TASP1: variants seen among roughly 807,000 people sequenced by gnomAD.
TASP1 encodes threonine aspartase 1.
In TASP1, 16 loss-of-function variants were observed where a neutral mutation model predicts 56.6. The ratio of observed to expected loss-of-function variants is 0.28; its 90% CI spans 0.19 to 0.43. The LOEUF (loss-of-function observed/expected upper bound fraction) is 0.43, where lower values mean the gene tolerates loss of function less well. TASP1 is among the 20% of genes least tolerant of loss of function. The probability of loss-of-function intolerance (pLI) is 1.00; values close to 1 mark genes in which losing one functional copy is unlikely to be tolerated. For synonymous variants in TASP1, 179 were observed against 184.2 expected, an observed-to-expected ratio of 0.97 and a Z score of 0.23; for missense variants, 393 against 511.6, an observed-to-expected ratio of 0.77 and a Z score of 2.24.
At chr20:13,220,530 G>A in the TASP1 span, among the ~76,000 whole-genome samples, 30,090 of 152,160 alleles carry the variant, frequency 0.2, 3,165 homozygotes, top group Middle Eastern at 0.23. Context: ...AAGCCCACTA[G>A]AGCTGAGATT....
At chr20:13,322,422 C>G in the TASP1 span, among the ~76,000 whole-genome samples, 1 of 152,190 alleles carries the variant, frequency 6.6e-6, no homozygotes, top group Non-Finnish European at 1.5e-5. Flanking sequence ...TTCCACCTGC[C>G]AACTCGCTTG....
rs182148027 is a variant in TASP1, at chr20:13,413,717, A to T, written c.1170+3731T>A. Among the ~76,000 whole-genome samples, 815 of 152,322 alleles carry T rather than the reference A, an allele frequency of 5.4e-3. 6 individuals are homozygous for T. The highest frequency in any genetic ancestry group is 0.01 in the Middle Eastern group (3 of 294). Reference sequence around the variant, plus strand: ...GCCACAAGACCCAAGAGTGACATTTAAAAAATTTTTAATTTGAAAATAATT... The same window carrying T: ...GCCACAAGACCCAAGAGTGACATTTTAAAAATTTTTAATTTGAAAATAATT... On this transcript the variant is annotated intron_variant, in intron 13 of 13. Coordinates refer to ENST00000337743, the MANE Select transcript of TASP1 (RefSeq NM_017714.3).
the TASP1 span, among the ~76,000 whole-genome samples, chr20:13,203,107 C>T: frequency 1.3e-5 from 2 of 152,078 alleles, no homozygotes; most frequent in African/African-American, 4.8e-5. Context: ...AATTAATAAG[C>T]AGTTACTAAG....
chr20:13,378,403 C>T, the TASP1 span, among the ~76,000 whole-genome samples: 1 of 152,128 alleles, frequency 6.6e-6, no homozygotes, highest in African/African-American at 2.4e-5. Context: ...TTTCTTAATC[C>T]TGAGTTCTAA....
the TASP1 span, among the ~76,000 whole-genome samples, chr20:13,334,206 C>A: frequency 7.9e-5 from 12 of 152,058 alleles, no homozygotes; most frequent in Non-Finnish European, 1.8e-4. Context: ...TGAAATAGAG[C>A]AGGGTGTTTC....
the TASP1 span, chr20:13,299,429 C>T: frequency 6.2e-7 from 1 of 1,606,484 alleles, no homozygotes; most frequent in Admixed American, 1.7e-5. This position sits in a 1 kb window ranked among gnomAD's most constrained non-coding sequence, Gnocchi z 5.8. Context: ...AGGACTACAT[C>T]AAGCAGTTCC....
At chr20:13,257,047 A>G in the TASP1 span, among the ~76,000 whole-genome samples, 478 of 152,282 alleles carry the variant, frequency 3.1e-3, 4 homozygotes, top group African/African-American at 0.011. Context: ...AATAAAGAGG[A>G]GAAAAGAAGT....
chr20:13,594,745 T>C (rs577900735), intron 4 of TASP1, among the ~76,000 whole-genome samples: 1 of 152,290 alleles, frequency 6.6e-6, no homozygotes, highest in East Asian at 1.9e-4. Context: ...CAAATCTACG[T>C]CTGATTGGTA....
chr20:13,165,483 C>T, the TASP1 span: 2 of 152,206 alleles, frequency 1.3e-5, no homozygotes, highest in South Asian at 2.1e-4. Flanking sequence ...CGACTAGAGA[C>T]GTCTTTGAAG....
chr20:13,152,164 A>G, the TASP1 span, among the ~76,000 whole-genome samples: 38,019 of 152,004 alleles, frequency 0.25, 5,060 homozygotes, highest in South Asian at 0.44. Flanking sequence ...CCACCTACCA[A>G]CTATGTAAAT....
chr20:13,110,646 C>A, the TASP1 span, among the ~76,000 whole-genome samples: 3 of 152,144 alleles, frequency 2.0e-5, no homozygotes, highest in Non-Finnish European at 4.4e-5. Context: ...CAGCTGCTTG[C>A]TGAACTTTGT....
chr20:13,475,195 T>C (rs558399502), intron 11 of TASP1, among the ~76,000 whole-genome samples: 31 of 152,322 alleles, frequency 2.0e-4, no homozygotes, highest in South Asian at 1.5e-3. Flanking sequence ...TATATATGTA[T>C]GTATAATTAA....
chr20:13,303,632 C>T, the TASP1 span, among the ~76,000 whole-genome samples: 7 of 152,224 alleles, frequency 4.6e-5, no homozygotes, highest in African/African-American at 1.7e-4. Context: ...TTCAGTGGGC[C>T]TGGACTCCAA....
intron 10 of TASP1, among the ~76,000 whole-genome samples, chr20:13,503,303 G>T (rs1040028185): frequency 1.3e-5 from 2 of 152,062 alleles, no homozygotes; most frequent in African/African-American, 4.8e-5. Context: ...CCCATGGATG[G>T]CAAATAGAAG....
the TASP1 span, among the ~76,000 whole-genome samples, chr20:13,127,000 G>A: frequency 6.6e-6 from 1 of 152,228 alleles, no homozygotes; most frequent in Non-Finnish European, 1.5e-5. Context: ...GCGTGTGTGT[G>A]CGCGCACGTG....
the TASP1 span, among the ~76,000 whole-genome samples, chr20:13,338,295 T>C: frequency 6.6e-6 from 1 of 152,002 alleles, no homozygotes; most frequent in Non-Finnish European, 1.5e-5. Context: ...CTGGTGGGAG[T>C]GTAATTAGCA....
the TASP1 span, among the ~76,000 whole-genome samples, chr20:13,263,929 C>T: frequency 6.6e-6 from 1 of 152,096 alleles, no homozygotes; most frequent in African/African-American, 2.4e-5. Flanking sequence ...CTAATAATAT[C>T]TTCTTTAATA....
chr20:13,612,529 T>C (rs866027849), intron 4 of TASP1, among the ~76,000 whole-genome samples: 5 of 110,058 alleles, frequency 4.5e-5, no homozygotes, highest in South Asian at 3.5e-4. Context: ...CACACACACA[T>C]TCCCCATACA....
intron 13 of TASP1, among the ~76,000 whole-genome samples, chr20:13,413,796 C>T (rs748768163): frequency 2.0e-5 from 3 of 152,170 alleles, no homozygotes; most frequent in Non-Finnish European, 4.4e-5. Flanking sequence ...CCAAGGTTCA[C>T]CTACTGTTAA....
Sources: gnomAD v4.1 joint callset for allele counts (sites outside exome capture counted in the v4.1 genomes callset) on GRCh38, gnomAD v4.1.1 for gene constraint, Gnocchi (gnomAD v3.1) non-coding constraint, MANE v1.5 for transcripts, NCBI Gene and HGNC (gene_info 2026-07-23, HGNC 2026-07-21) for gene names.